Variants in SORCS3 observed in about 807,000 individuals in gnomAD.
SORCS3 encodes sortilin related VPS10 domain containing receptor 3, also known as VPS10 domain-containing receptor SorCS3.
SORCS3 carries 57 observed loss-of-function variants against 146.3 expected under a neutral mutation model. That is an observed-to-expected ratio of 0.39 (90% confidence interval 0.31 to 0.49). The LOEUF (loss-of-function observed/expected upper bound fraction) is 0.49, where lower values mean the gene tolerates loss of function less well. Among genes scored for constraint, SORCS3 ranks in the 20% least tolerant of loss-of-function variants. SORCS3 has a pLI of 0.92. For missense variants in SORCS3, 1,341 were observed against 1,575.5 expected (o/e 0.85, Z 2.52); for synonymous variants, 653 against 618.5 (o/e 1.06, Z -0.83).
intron 1 of SORCS3, among the ~76,000 whole-genome samples, chr10:104,704,600 A>C (rs1203713131): frequency 6.6e-6 from 1 of 152,160 alleles, no homozygotes; most frequent in Non-Finnish European, 1.5e-5. Context: ...AGACCTGCTT[A>C]CAGCCTTCTG....
intron 1 of SORCS3, among the ~76,000 whole-genome samples, chr10:104,827,318 C>A (rs2017948089): frequency 6.7e-6 from 1 of 150,004 alleles, no homozygotes; most frequent in Non-Finnish European, 1.5e-5. Flanking sequence ...AAAAATAAGT[C>A]TTGGAAGTGA....
At position 104,641,885 on chromosome 10, in the gene SORCS3, C is replaced by T. The variant is rs774487132; in HGVS notation, c.558C>T (p.Thr186=). ...SAAEDLRLPS[T]SFALTGDSAH... ...CTGAAGACCTCCGGCTGCCCAGCAC[C>T]TCCTTCGCGCTGACCGGGGACTCGG... The change falls in exon 1 of 27, where the codon ACC becomes ACT. Residue 186 remains threonine, a synonymous_variant. Coordinates refer to ENST00000369701, the MANE Select transcript of SORCS3 (RefSeq NM_014978.3). This position sits in a 1 kb window ranked among gnomAD's most constrained non-coding sequence, Gnocchi z 6.4. 5.7e-6 allele frequency: 9 copies of T among 1,592,682 alleles called. No individual in the cohort carries two copies. The highest frequency in any genetic ancestry group is 1.3e-5 in the African/African-American group (1 of 74,582).
At chr10:104,999,967 CT>C (rs35891563) in intron 4 of SORCS3, among the ~76,000 whole-genome samples, 16 of 151,576 alleles carry the variant, frequency 1.1e-4, no homozygotes, top group African/African-American at 2.7e-4. Context: ...CCTCCAAAAA[CT>C]TTTTTTTTCA....
intron 5 of SORCS3, among the ~76,000 whole-genome samples, chr10:105,088,703 G>C (rs2055680740): frequency 6.6e-6 from 1 of 152,174 alleles, no homozygotes; most frequent in Non-Finnish European, 1.5e-5. Flanking sequence ...AATGCCCCCA[G>C]GGCTGTTGAG....
At chr10:105,127,958 AC>A (rs2055988108) in intron 7 of SORCS3, among the ~76,000 whole-genome samples, 1 of 152,168 alleles carries the variant, frequency 6.6e-6, no homozygotes, top group Non-Finnish European at 1.5e-5. Context: ...TCTGGCGTAG[AC>A]ACTTTAGGCT....
intron 1 of SORCS3, among the ~76,000 whole-genome samples, chr10:104,660,265 G>C (rs1283740942): frequency 6.7e-6 from 1 of 149,516 alleles, no homozygotes; most frequent in East Asian, 2.0e-4. Context: ...TGAAAAGTGG[G>C]TTTCAGTTTT....
At chr10:104,940,238 A>ATATATATATTTTTTT (rs1435205868) in intron 3 of SORCS3, among the ~76,000 whole-genome samples, 7 of 31,500 alleles carry the variant, frequency 2.2e-4, no homozygotes, top group African/African-American at 1.1e-4. Context: ...ATATATATAT[A>ATATATATATTTTTTT]TTTTTTTTTT....
intron 1 of SORCS3, among the ~76,000 whole-genome samples, chr10:104,838,253 G>A (rs541194076): frequency 1.3e-5 from 2 of 152,148 alleles, no homozygotes; most frequent in African/African-American, 2.4e-5. Context: ...CATATCCACC[G>A]ACTGGGTTTC....
chr10:104,651,844 A>G (rs1040847831), intron 1 of SORCS3, among the ~76,000 whole-genome samples: 4 of 152,152 alleles, frequency 2.6e-5, no homozygotes, highest in African/African-American at 7.2e-5. Context: ...TGATCACTGT[A>G]GCTTGCTTTG....
intron 1 of SORCS3, among the ~76,000 whole-genome samples, chr10:104,703,169 G>A (rs1282703049): frequency 1.3e-5 from 2 of 152,152 alleles, no homozygotes; most frequent in East Asian, 1.9e-4. Context: ...AAAGCCAGTT[G>A]GATGGCAGTT....
At chr10:105,054,642 G>T (rs1409468473) in intron 5 of SORCS3, among the ~76,000 whole-genome samples, 1 of 151,646 alleles carries the variant, frequency 6.6e-6, no homozygotes, top group African/African-American at 2.4e-5. Context: ...ATTTTGGACT[G>T]GTTTCCTCTG....
At chr10:105,221,981 AG>A (rs1260044462) in intron 19 of SORCS3, among the ~76,000 whole-genome samples, 1 of 151,382 alleles carries the variant, frequency 6.6e-6, no homozygotes. Context: ...GGAAAAAGGG[AG>A]AAAAAATCTT....
At position 104,975,136 on chromosome 10, in the gene SORCS3, G is replaced by T. The variant is rs1310149906; in HGVS notation, c.796-2199G>T. 2.0e-5 allele frequency among the ~76,000 whole-genome samples: 3 copies of T among 152,232 alleles called. No individual in the cohort carries two copies. The East Asian group carries it at 5.8e-4, about 29-fold the overall frequency. On this transcript the variant is annotated intron_variant, in intron 3 of 26. Coordinates refer to ENST00000369701, the MANE Select transcript of SORCS3 (RefSeq NM_014978.3). ...AGTCAAATTGTCCTTGTTTGCAGAT[G>T]ACATGATTGTATATCTAGAAAACCC...
chr10:104,928,182 G>A (rs1446180581), intron 3 of SORCS3, among the ~76,000 whole-genome samples: 1 of 152,130 alleles, frequency 6.6e-6, no homozygotes, highest in African/African-American at 2.4e-5. Context: ...TAGGACTCAG[G>A]GCAGAAGGAC....
intron 1 of SORCS3, among the ~76,000 whole-genome samples, chr10:104,650,709 A>G (rs1193080081): frequency 6.6e-6 from 1 of 152,176 alleles, no homozygotes; most frequent in Non-Finnish European, 1.5e-5. Context: ...TTGCTTAAAT[A>G]CTTAAAAGTG....
At chr10:105,149,143 T>C (rs2056151704) in intron 9 of SORCS3, among the ~76,000 whole-genome samples, 1 of 152,138 alleles carries the variant, frequency 6.6e-6, no homozygotes, top group Non-Finnish European at 1.5e-5. Flanking sequence ...CAAACCTCTT[T>C]TCTTCATGAA....
intron 25 of SORCS3, among the ~76,000 whole-genome samples, chr10:105,262,044 T>C (rs1210248001): frequency 6.6e-6 from 1 of 152,200 alleles, no homozygotes; most frequent in East Asian, 1.9e-4. Context: ...TAGGGTTTTA[T>C]TATCTAACTG....
At chr10:104,696,303 TATG>T (rs1195271488) in intron 1 of SORCS3, among the ~76,000 whole-genome samples, 2 of 113,352 alleles carry the variant, frequency 1.8e-5, no homozygotes, top group African/African-American at 7.4e-5. Context: ...CATATACACA[TATG>T]ATATATGATA....
intron 7 of SORCS3, among the ~76,000 whole-genome samples, chr10:105,137,196 C>T (rs2056064650): frequency 6.6e-6 from 1 of 152,126 alleles, no homozygotes; most frequent in African/African-American, 2.4e-5. Flanking sequence ...CTCTGGCCAG[C>T]ATTCAGGAAT....
Sources: gnomAD v4.1 joint callset for allele counts (sites outside exome capture counted in the v4.1 genomes callset) on GRCh38, gnomAD v4.1.1 for gene constraint, Gnocchi (gnomAD v3.1) non-coding constraint, MANE v1.5 for transcripts, NCBI Gene and HGNC (gene_info 2026-07-23, HGNC 2026-07-21) for gene names.